ADCK1: variants seen among roughly 807,000 people sequenced by gnomAD.
The protein encoded by ADCK1 is aarF domain-containing protein kinase 1.
A neutral mutation model predicts 52.3 loss-of-function variants in ADCK1; 41 were observed. The ratio of observed to expected loss-of-function variants is 0.78; its 90% CI spans 0.61 to 1.02. The LOEUF is 1.02. Among genes scored for constraint, ADCK1 ranks in the 50% least tolerant of loss-of-function variants. The pLI, the probability that ADCK1 is intolerant of heterozygous loss-of-function variation, is 0.00. For synonymous variants in ADCK1, 250 were observed against 274.6 expected (o/e 0.91, Z 0.89); for missense variants, 658 against 679.5 (o/e 0.97, Z 0.35).
At position 77,852,649 on chromosome 14, in the gene ADCK1, T is replaced by TTAAATAAA. The variant is rs1258593104; in HGVS notation, c.220-6420_220-6413dup. Reference sequence around the variant, plus strand: ...TGAAAAAATTTCAGCCATTATTTCTTTAAATAAATAAATATATATATATAT... The same window carrying TTAAATAAA: ...TGAAAAAATTTCAGCCATTATTTCTTTAAATAAATAAATAAATAAATATATATATATAT... On this transcript the variant is annotated intron_variant, in intron 3 of 10. Coordinates refer to ENST00000238561, the MANE Select transcript of ADCK1 (RefSeq NM_020421.4). 6.8e-4 allele frequency among the ~76,000 whole-genome samples: 28 copies of TTAAATAAA among 41,478 alleles called. 1 individual carries two copies. The highest frequency in any genetic ancestry group is 2.0e-3 in the African/African-American group (27 of 13,402). 27.2% of individuals were successfully genotyped at this position (41,478 alleles called of 152,430 possible). A position where few individuals can be genotyped will look rare whatever the true frequency, so the allele number is the denominator to read the frequency against.
intron 1 of ADCK1, among the ~76,000 whole-genome samples, chr14:77,817,180 T>TGCAGTGAGCCGAGATCGCG (rs2081473948): frequency 6.6e-6 from 1 of 152,156 alleles, no homozygotes. Context: ...AGGCGGAGGT[T>TGCAGTGAGCCGAGATCGCG]GCAGTGAGCC....
chr14:77,898,652 G>C (rs1182023904), intron 5 of ADCK1, among the ~76,000 whole-genome samples: 50 of 152,138 alleles, frequency 3.3e-4, no homozygotes, highest in Admixed American at 3.3e-3. Flanking sequence ...CGACGGTTGG[G>C]GGGTGGGGGA....
chr14:77,912,433 CGTGTGTGTGTGTGTGTGTGTGTGTGT>C (rs57555913), intron 7 of ADCK1, among the ~76,000 whole-genome samples: 2 of 138,170 alleles, frequency 1.4e-5, no homozygotes, highest in East Asian at 2.2e-4. Context: ...TACGGAGGAG[CGTGTGTGTGTGTGTGTGTGTGTGTGT>C]GTGTGTGTGT....
At chr14:77,915,292 T>A (rs555602644) in intron 7 of ADCK1, among the ~76,000 whole-genome samples, 2 of 151,788 alleles carry the variant, frequency 1.3e-5, no homozygotes, top group Non-Finnish European at 2.9e-5. Context: ...ATTGACTCGT[T>A]ATTTAACATT....
intron 7 of ADCK1, among the ~76,000 whole-genome samples, chr14:77,918,239 AC>A: frequency 6.6e-6 from 1 of 152,312 alleles, no homozygotes. Context: ...AACTTACAAG[AC>A]AGTTCAGTGG....
intron 4 of ADCK1, among the ~76,000 whole-genome samples, chr14:77,869,046 G>C (rs1305168268): frequency 6.6e-6 from 1 of 152,118 alleles, no homozygotes; most frequent in Non-Finnish European, 1.5e-5. Context: ...TTGAGGAGGG[G>C]AATTCTGAGG....
chr14:77,873,348 A>G (rs2082827189), intron 4 of ADCK1, among the ~76,000 whole-genome samples: 1 of 152,268 alleles, frequency 6.6e-6, no homozygotes, highest in Admixed American at 6.5e-5. Flanking sequence ...TTCCCAGGCC[A>G]GGCCTCCTTG....
At chr14:77,860,183 T>A (rs1213995067) in intron 4 of ADCK1, among the ~76,000 whole-genome samples, 1 of 152,212 alleles carries the variant, frequency 6.6e-6, no homozygotes, top group Non-Finnish European at 1.5e-5. Flanking sequence ...TCCCTGCACT[T>A]GTGCAACTTG....
At chr14:77,858,985 G>T in intron 3 of ADCK1, 91 bp from the exon 4 acceptor site, 2 of 1,244,508 alleles carry the variant, frequency 1.6e-6, no homozygotes, top group Non-Finnish European at 2.2e-6. Flanking sequence ...GGGTAATGAG[G>T]GTTTTCAAGC....
intron 7 of ADCK1, among the ~76,000 whole-genome samples, chr14:77,918,306 G>A (rs946845457): frequency 2.0e-5 from 3 of 152,174 alleles, no homozygotes; most frequent in East Asian, 3.9e-4. Flanking sequence ...AGTTCATATC[G>A]TATTTTCACT....
At chr14:77,821,335 C>G (rs1441696084) in intron 2 of ADCK1, among the ~76,000 whole-genome samples, 1 of 152,162 alleles carries the variant, frequency 6.6e-6, no homozygotes, top group Non-Finnish European at 1.5e-5. Context: ...GAACACTACT[C>G]AGTGACCAAG....
intron 5 of ADCK1, among the ~76,000 whole-genome samples, chr14:77,887,920 C>T (rs1192556782): frequency 6.6e-6 from 1 of 152,186 alleles, no homozygotes. Context: ...TCTTGTTTCC[C>T]TTCCTTTGCT....
At chr14:77,920,248 G>A (rs561523084) in intron 7 of ADCK1, among the ~76,000 whole-genome samples, 147 of 152,300 alleles carry the variant, frequency 9.7e-4, no homozygotes, top group African/African-American at 3.4e-3. Context: ...TTAGATTTAA[G>A]TCTTTGATCC....
chr14:77,881,469 CAAGG>C (rs902806974), intron 4 of ADCK1, among the ~76,000 whole-genome samples: 2 of 152,196 alleles, frequency 1.3e-5, no homozygotes, highest in African/African-American at 4.8e-5. Context: ...AGCTCACACT[CAAGG>C]GAGGGGAATA....
chr14:77,832,786 C>T (rs554020046), intron 3 of ADCK1, among the ~76,000 whole-genome samples: 1 of 152,298 alleles, frequency 6.6e-6, no homozygotes, highest in South Asian at 2.1e-4. Context: ...AACCATCCTA[C>T]CAGTCTAGTG....
intron 1 of ADCK1, among the ~76,000 whole-genome samples, chr14:77,811,911 A>G (rs1476649168): frequency 6.6e-6 from 1 of 152,260 alleles, no homozygotes; most frequent in Non-Finnish European, 1.5e-5. Context: ...AAATTTTCAT[A>G]AAATAAAGAG....
chr14:77,899,313 T>G, intron 6 of ADCK1, 55 bp downstream of exon 6: 1 of 1,593,556 alleles, frequency 6.3e-7, no homozygotes, highest in Non-Finnish European at 8.6e-7. Flanking sequence ...AGTGTAGCGG[T>G]ATGTGGGTCC....
At chr14:77,922,496 G>A (rs934067961) in intron 7 of ADCK1, among the ~76,000 whole-genome samples, 3 of 152,198 alleles carry the variant, frequency 2.0e-5, no homozygotes, top group African/African-American at 7.2e-5. Flanking sequence ...GCTTATGAGA[G>A]TCACCAGGGC....
intron 7 of ADCK1, 27 bp from the exon 8 acceptor site, chr14:77,924,430 C>T (rs902194473): frequency 1.2e-6 from 2 of 1,611,684 alleles, no homozygotes; most frequent in Admixed American, 3.3e-5. Flanking sequence ...TGGAGAGGAG[C>T]TCCCACCTGC....
Sources: gnomAD v4.1 joint callset for allele counts (sites outside exome capture counted in the v4.1 genomes callset) on GRCh38, gnomAD v4.1.1 for gene constraint, MANE v1.5 for transcripts, NCBI Gene and HGNC (gene_info 2026-07-23, HGNC 2026-07-21) for gene names.